The following HHAT variants were observed in gnomAD, a reference collection of about 807,000 sequenced individuals.
HHAT encodes protein-cysteine N-palmitoyltransferase HHAT.
Under a neutral mutation model 70.8 loss-of-function variants are expected in HHAT, and 47 were observed. The observed-to-expected ratio is 0.66, with a 90% confidence interval of 0.53 to 0.85. The LOEUF is 0.85. Among genes scored for constraint, HHAT ranks in the 40% least tolerant of loss-of-function variants. The pLI is 0.00. For synonymous variants in HHAT, 228 were observed against 247.6 expected, an observed-to-expected ratio of 0.92 and a Z score of 0.74; for missense variants, 609 against 604.8, an observed-to-expected ratio of 1.01 and a Z score of -0.07.
At chr1:210,661,466 G>A (rs949147231) in intron 11 of HHAT, among the ~76,000 whole-genome samples, 3 of 152,194 alleles carry the variant, frequency 2.0e-5, no homozygotes, top group Non-Finnish European at 1.5e-5. Context: ...GTGTAAACTA[G>A]TTCAACCATT....
At chr1:210,573,144 T>C (rs1418159361) in intron 9 of HHAT, among the ~76,000 whole-genome samples, 2 of 152,192 alleles carry the variant, frequency 1.3e-5, no homozygotes, top group African/African-American at 4.8e-5. Flanking sequence ...TATGCTTATG[T>C]CCCAAATGTT....
intron 8 of HHAT, among the ~76,000 whole-genome samples, chr1:210,485,520 G>A (rs2094461195): frequency 6.6e-6 from 1 of 152,074 alleles, no homozygotes; most frequent in South Asian, 2.1e-4. Flanking sequence ...GGATCATGAG[G>A]TCTCTATATC....
At chr1:210,438,591 G>C (rs2093433607) in intron 7 of HHAT, among the ~76,000 whole-genome samples, 1 of 151,768 alleles carries the variant, frequency 6.6e-6, no homozygotes, top group East Asian at 1.9e-4. Context: ...GGTCCTATTG[G>C]CATGCTCTGT....
intron 2 of HHAT, among the ~76,000 whole-genome samples, chr1:210,357,559 C>A (rs538002946): frequency 6.6e-6 from 1 of 152,302 alleles, no homozygotes; most frequent in East Asian, 1.9e-4. Flanking sequence ...CGGTGGCTCA[C>A]GCCTATAATC....
At chr1:210,577,962 A>G (rs1451016450) in intron 9 of HHAT, among the ~76,000 whole-genome samples, 1 of 152,018 alleles carries the variant, frequency 6.6e-6, no homozygotes, top group Non-Finnish European at 1.5e-5. Context: ...TAATTTTTTA[A>G]TGATGTCTTT....
At chr1:210,470,292 C>A (rs1333701727) in intron 8 of HHAT, among the ~76,000 whole-genome samples, 1 of 152,084 alleles carries the variant, frequency 6.6e-6, no homozygotes, top group African/African-American at 2.4e-5. Flanking sequence ...TGAATCTGCC[C>A]CAGTATGACC....
intron 10 of HHAT, among the ~76,000 whole-genome samples, chr1:210,621,035 G>A (rs1040829285): frequency 2.0e-5 from 3 of 151,974 alleles, no homozygotes; most frequent in African/African-American, 4.8e-5. Flanking sequence ...TCCAATACAC[G>A]CTGTCTGTTC....
chr1:210,419,043 T>C (rs537222250), intron 7 of HHAT, among the ~76,000 whole-genome samples: 4 of 151,888 alleles, frequency 2.6e-5, no homozygotes, highest in Non-Finnish European at 5.9e-5. Flanking sequence ...AAAAAAAGAA[T>C]GAGTTTCAGG....
rs1339078098 is a variant in HHAT, at chr1:210,352,135, G to A, written c.91+3069G>A. On this transcript the variant is annotated intron_variant, in intron 2 of 11. Transcript: ENST00000261458. The stretch of plus-strand genomic sequence containing the variant: ...TTGTGTTGTGATAGCTTCTGGGAAC[G>A]GGGCGAGGGGTTCCTTTGCGGATAG... 5.3e-5 allele frequency among the ~76,000 whole-genome samples: 8 copies of A among 152,158 alleles called. No individual in the cohort carries two copies. In the South Asian group the frequency reaches 1.2e-3, roughly 24 times the overall value.
intron 9 of HHAT, among the ~76,000 whole-genome samples, chr1:210,538,798 TG>T (rs1357072104): frequency 6.6e-6 from 1 of 152,118 alleles, no homozygotes; most frequent in Non-Finnish European, 1.5e-5. Flanking sequence ...TAGAAGGGGC[TG>T]GGCACAGTGG....
intron 8 of HHAT, among the ~76,000 whole-genome samples, chr1:210,504,154 G>C (rs1018336810): frequency 6.6e-6 from 1 of 152,188 alleles, no homozygotes; most frequent in Non-Finnish European, 1.5e-5. Context: ...ATACTTACAA[G>C]GGTAGGAACT....
chr1:210,338,262 C>T (rs1301675228), intron 1 of HHAT, among the ~76,000 whole-genome samples: 13 of 152,008 alleles, frequency 8.6e-5, no homozygotes, highest in African/African-American at 1.2e-4. Context: ...ATTGCTTGAG[C>T]CTGGGAAGTT....
intron 3 of HHAT, among the ~76,000 whole-genome samples, chr1:210,366,061 G>T (rs2088929423): frequency 6.6e-6 from 1 of 152,032 alleles, no homozygotes; most frequent in Admixed American, 6.6e-5. Flanking sequence ...CTCTTGAGTA[G>T]CTGGGACTAC....
intron 4 of HHAT, among the ~76,000 whole-genome samples, chr1:210,392,687 C>T (rs998686313): frequency 6.6e-6 from 1 of 152,210 alleles, no homozygotes; most frequent in Non-Finnish European, 1.5e-5. Context: ...CCTCCCACCT[C>T]TGCTTTACAA....
intron 1 of HHAT, among the ~76,000 whole-genome samples, chr1:210,337,226 A>G (rs1571682157): frequency 1.3e-5 from 2 of 152,218 alleles, no homozygotes; most frequent in East Asian, 3.8e-4. Context: ...GTTTATGACC[A>G]CTGGATTAAA....
In HHAT at chr1:210,439,914, C is replaced by A. The variant is rs186417420; in HGVS notation, c.856+21589C>A. ...AGTTTCACTCTTTGTAGATTGGTAGCCCAGTCTATAGATACCTTGCAAGGG... is the reference window on the plus strand; with the variant it reads ...AGTTTCACTCTTTGTAGATTGGTAGACCAGTCTATAGATACCTTGCAAGGG... On this transcript the variant is annotated intron_variant, in intron 7 of 11. Transcript: ENST00000261458. 1.5e-3 allele frequency among the ~76,000 whole-genome samples: 221 copies of A among 151,892 alleles called. 4 individuals are homozygous for A. The highest frequency in any genetic ancestry group is 3.5e-3 in the South Asian group (17 of 4,820).
intron 8 of HHAT, among the ~76,000 whole-genome samples, chr1:210,480,754 C>T (rs1434494142): frequency 6.6e-6 from 1 of 152,190 alleles, no homozygotes; most frequent in African/African-American, 2.4e-5. Flanking sequence ...TCCCTTTAGG[C>T]TCAGCTGACC....
intron 10 of HHAT, among the ~76,000 whole-genome samples, chr1:210,603,188 C>A (rs979454604): frequency 6.6e-6 from 1 of 152,190 alleles, no homozygotes; most frequent in African/African-American, 2.4e-5. Context: ...TCATGGCATT[C>A]TTATACCTTC....
At chr1:210,437,778 C>T (rs12028017) in intron 7 of HHAT, among the ~76,000 whole-genome samples, 16,797 of 151,822 alleles carry the variant, frequency 0.11, 1,203 homozygotes, top group East Asian at 0.21. Flanking sequence ...TGATTTTAAA[C>T]GTCTCCTTAT....
Sources: allele counts gnomAD v4.1 joint callset (sites outside exome capture counted in the v4.1 genomes callset), GRCh38; gene constraint gnomAD v4.1.1; transcripts MANE v1.5; gene names NCBI Gene and HGNC (gene_info 2026-07-23, HGNC 2026-07-21).